Variants in TRAPPC9 observed in about 807,000 individuals in gnomAD.
TRAPPC9 encodes trafficking protein particle complex subunit 9, also known as IKK2 binding protein.
In TRAPPC9, 83 loss-of-function variants were observed where a neutral mutation model predicts 124.0. The ratio of observed to expected loss-of-function variants is 0.67; its 90% confidence interval spans 0.56 to 0.80. The LOEUF (loss-of-function observed/expected upper bound fraction) is 0.80, where lower values mean the gene tolerates loss of function less well. Among genes scored for constraint, TRAPPC9 ranks in the 30% least tolerant of loss-of-function variants. The probability of loss-of-function intolerance (pLI) is 0.00; values close to 1 mark genes in which losing one functional copy is unlikely to be tolerated. For synonymous variants in TRAPPC9, 638 were observed against 617.5 expected (o/e 1.03, Z -0.49); for missense variants, 1,302 against 1,508.3 (o/e 0.86, Z 2.27).
intron 17 of TRAPPC9, among the ~76,000 whole-genome samples, chr8:140,217,083 G>A (rs2063213843): frequency 6.6e-6 from 1 of 152,134 alleles, no homozygotes; most frequent in South Asian, 2.1e-4. Flanking sequence ...CCAACCCCGG[G>A]GCACCGTAAC....
At chr8:140,125,901 A>C (rs577052691) in intron 17 of TRAPPC9, among the ~76,000 whole-genome samples, 1 of 152,004 alleles carries the variant, frequency 6.6e-6, no homozygotes, top group African/African-American at 2.4e-5. Context: ...GACCATCTTT[A>C]ATTTCCAGAG....
chr8:140,328,979 A>C (rs1588158768), intron 9 of TRAPPC9, among the ~76,000 whole-genome samples: 1 of 152,150 alleles, frequency 6.6e-6, no homozygotes, highest in Non-Finnish European at 1.5e-5. Context: ...AGCTCGTCGG[A>C]AGACAGCAGC....
intron 17 of TRAPPC9, among the ~76,000 whole-genome samples, chr8:140,133,899 G>A (rs1051567544): frequency 6.7e-6 from 1 of 149,136 alleles, no homozygotes; most frequent in Non-Finnish European, 1.5e-5. Flanking sequence ...AAAAAAAAAG[G>A]ATGACCTAAA....
chr8:139,790,412 C>T (rs956231819), intron 21 of TRAPPC9, among the ~76,000 whole-genome samples: 4 of 152,152 alleles, frequency 2.6e-5, no homozygotes, highest in Admixed American at 6.5e-5. Context: ...GGTAGGGGCA[C>T]GGACAAGCGT....
chr8:140,417,297 T>A (rs2069969775), intron 5 of TRAPPC9, among the ~76,000 whole-genome samples: 2 of 151,850 alleles, frequency 1.3e-5, no homozygotes, highest in Non-Finnish European at 2.9e-5. Context: ...TGGGAGAAAA[T>A]TTTTGCAATC....
rs746607909 is a variant in TRAPPC9, at chr8:140,450,932, T to C, written c.442A>G (p.Ile148Val). The change falls in exon 2 of 23, where the codon ATC becomes GTC. Residue 148 changes from isoleucine (I) to valine (V), a missense_variant. Ile to Val is a conservative substitution (Grantham distance 29, BLOSUM62 3). Coordinates refer to ENST00000438773, the MANE Select transcript of TRAPPC9 (RefSeq NM_001160372.4). The part of the protein sequence containing the change: ...YEDCQTVEKR[I>V]EDFIESLFIV... ...AACAGTGACTCGATGAAGTCCTCGA[T>C]TCTCTTCTCCACCGTCTGGCAGTCC... 6.2e-7 allele frequency: 1 copy of C among 1,614,166 alleles called. No individual in the cohort carries two copies. Among genetic ancestry groups the C allele is most frequent in the South Asian group, 1.1e-5 (1 of 91,082 alleles).
chr8:139,855,693 C>T (rs2130951913), intron 21 of TRAPPC9, among the ~76,000 whole-genome samples: 1 of 152,334 alleles, frequency 6.6e-6, no homozygotes, highest in African/African-American at 2.4e-5. Flanking sequence ...AAAAGCCCTA[C>T]CAAGGTGGGA....
intron 21 of TRAPPC9, among the ~76,000 whole-genome samples, chr8:139,796,295 A>C (rs1823091308): frequency 6.6e-6 from 1 of 152,202 alleles, no homozygotes; most frequent in Non-Finnish European, 1.5e-5. Context: ...CTGAGGGCCT[A>C]GGCAGGTCAC....
At chr8:139,909,195 T>G (rs552525150) in intron 20 of TRAPPC9, among the ~76,000 whole-genome samples, 72 of 152,306 alleles carry the variant, frequency 4.7e-4, no homozygotes, top group Non-Finnish European at 7.8e-4. Context: ...AATGTGTGCA[T>G]GACTGAGATC....
chr8:140,330,121 T>G (rs375926507), intron 9 of TRAPPC9, among the ~76,000 whole-genome samples: 1 of 151,994 alleles, frequency 6.6e-6, no homozygotes, highest in African/African-American at 2.4e-5. Flanking sequence ...TTCACGCTTT[T>G]TGCTTTCTTC....
chr8:140,226,019 G>T (rs2063442278), intron 16 of TRAPPC9, among the ~76,000 whole-genome samples: 1 of 152,118 alleles, frequency 6.6e-6, no homozygotes, highest in South Asian at 2.1e-4. Context: ...AGAAGTTTTG[G>T]CCTGTAGAGG....
At chr8:140,029,613 C>T (rs1840377584) in intron 17 of TRAPPC9, among the ~76,000 whole-genome samples, 2 of 150,058 alleles carry the variant, frequency 1.3e-5, no homozygotes, top group African/African-American at 4.9e-5. Flanking sequence ...TACCCTAAAA[C>T]TTTAAGTATA....
chr8:140,260,497 T>A (rs570171258), intron 15 of TRAPPC9, among the ~76,000 whole-genome samples: 1 of 152,104 alleles, frequency 6.6e-6, no homozygotes, highest in African/African-American at 2.4e-5. Context: ...AATTGGAAGG[T>A]GATCAAATGC....
At chr8:140,375,265 CA>C (rs1328014888) in intron 7 of TRAPPC9, among the ~76,000 whole-genome samples, 2 of 152,176 alleles carry the variant, frequency 1.3e-5, no homozygotes, top group Non-Finnish European at 2.9e-5. Flanking sequence ...TCTAATCTTT[CA>C]ATAGGCTGCA....
chr8:140,032,157 T>G (rs958224334), intron 17 of TRAPPC9, among the ~76,000 whole-genome samples: 1 of 152,274 alleles, frequency 6.6e-6, no homozygotes, highest in East Asian at 1.9e-4. Flanking sequence ...ACATGGACAC[T>G]CTGCTCCAGC....
In TRAPPC9 at chr8:139,859,990, G is replaced by A. The variant is rs536665473; in HGVS notation, c.3055+25889C>T. Reference sequence around the variant, plus strand: ...TCATAAAATGGGTACAACTTTATACGCTTTGGGGATGACTCACACCTCGAC... The same window carrying A: ...TCATAAAATGGGTACAACTTTATACACTTTGGGGATGACTCACACCTCGAC... On this transcript the variant is annotated intron_variant, in intron 21 of 22. Coordinates refer to ENST00000438773, the MANE Select transcript of TRAPPC9 (RefSeq NM_001160372.4). Among the ~76,000 whole-genome samples, 10 of 152,328 alleles carry A rather than the reference G, an allele frequency of 6.6e-5. No individual in the cohort carries two copies. The East Asian group carries it at 1.3e-3, about 21-fold the overall frequency.
intron 17 of TRAPPC9, among the ~76,000 whole-genome samples, chr8:140,033,530 G>C (rs1385447072): frequency 6.7e-6 from 1 of 148,642 alleles, no homozygotes; most frequent in Admixed American, 6.7e-5. Flanking sequence ...AAACATCAAA[G>C]GAAAAAAAAA....
chr8:140,347,400 A>G (rs919792323), intron 9 of TRAPPC9, among the ~76,000 whole-genome samples: 1 of 152,226 alleles, frequency 6.6e-6, no homozygotes, highest in African/African-American at 2.4e-5. Flanking sequence ...CTATGTGTGC[A>G]TATGTATGGA....
chr8:140,273,358 G>T (rs1194726612), intron 15 of TRAPPC9, among the ~76,000 whole-genome samples: 1 of 152,168 alleles, frequency 6.6e-6, no homozygotes, highest in Admixed American at 6.5e-5. Context: ...TTCTGGTGTG[G>T]CCTGTCTCCT....
Sources: allele counts gnomAD v4.1 joint callset (sites outside exome capture counted in the v4.1 genomes callset), GRCh38; gene constraint gnomAD v4.1.1; transcripts MANE v1.5; gene names NCBI Gene and HGNC (gene_info 2026-07-23, HGNC 2026-07-21).